CSMD3: variants seen among roughly 807,000 people sequenced by gnomAD.
The protein encoded by CSMD3 is CUB and Sushi multiple domains 3.
CSMD3 carries 177 observed loss-of-function variants against 435.2 expected under a neutral mutation model. The ratio of observed to expected loss-of-function variants is 0.41; its 90% CI spans 0.36 to 0.46. CSMD3 has a LOEUF of 0.46. Ranked by LOEUF, CSMD3 falls within the 20% of genes least tolerant of loss-of-function variation. The pLI, the probability that CSMD3 is intolerant of heterozygous loss-of-function variation, is 0.34. For missense variants in CSMD3, 4,265 were observed against 4,504.6 expected, an observed-to-expected ratio of 0.95 and a Z score of 1.52; for synonymous variants, 1,656 against 1,520.5, an observed-to-expected ratio of 1.09 and a Z score of -2.07.
chr8:112,424,150 A>T (rs1586278743), intron 32 of CSMD3, among the ~76,000 whole-genome samples: 1 of 152,110 alleles, frequency 6.6e-6, no homozygotes, highest in Non-Finnish European at 1.5e-5. Flanking sequence ...AAATAGCATC[A>T]CCTCCACTCC....
intron 66 of CSMD3, among the ~76,000 whole-genome samples, chr8:112,240,043 T>G (rs1222403382): frequency 6.6e-6 from 1 of 152,090 alleles, no homozygotes; most frequent in Non-Finnish European, 1.5e-5. Context: ...CCTCAAGCTT[T>G]GATATTTCAA....
chr8:113,101,906 C>A (rs1224775446), intron 4 of CSMD3, among the ~76,000 whole-genome samples: 1 of 151,798 alleles, frequency 6.6e-6, no homozygotes, highest in African/African-American at 2.4e-5. Context: ...ATGCTGAATT[C>A]AAGGCAATAT....
intron 5 of CSMD3, among the ~76,000 whole-genome samples, chr8:113,052,422 A>T (rs1260584382): frequency 2.6e-5 from 4 of 152,170 alleles, no homozygotes; most frequent in Non-Finnish European, 4.4e-5. Flanking sequence ...CAATTTTTTT[A>T]AAAAGCAATT....
chr8:112,397,682 G>C (rs1306038069), intron 35 of CSMD3, among the ~76,000 whole-genome samples: 1 of 152,114 alleles, frequency 6.6e-6, no homozygotes, highest in African/African-American at 2.4e-5. Flanking sequence ...TCTTTCATAA[G>C]AGCATTAATC....
chr8:112,954,784 A>G (rs1276783301), intron 7 of CSMD3, 23 bp from the exon 8 acceptor site: 16 of 1,273,728 alleles, frequency 1.3e-5, no homozygotes, highest in Non-Finnish European at 1.7e-5. Flanking sequence ...ACAAACAAAA[A>G]CATGTATCAG....
intron 32 of CSMD3, among the ~76,000 whole-genome samples, chr8:112,469,454 G>A (rs1411540877): frequency 6.6e-5 from 10 of 151,914 alleles, no homozygotes. Flanking sequence ...TGCACTGAGT[G>A]TATTTGACAG....
At chr8:112,642,365 T>C (rs1393845316) in intron 20 of CSMD3, among the ~76,000 whole-genome samples, 2 of 152,168 alleles carry the variant, frequency 1.3e-5, no homozygotes, top group African/African-American at 4.8e-5. Context: ...TCTCTCATGG[T>C]GTCCTTGTAA....
intron 38 of CSMD3, among the ~76,000 whole-genome samples, chr8:112,361,601 A>G (rs1827232550): frequency 7.8e-6 from 1 of 128,644 alleles, no homozygotes; most frequent in Non-Finnish European, 1.7e-5. Flanking sequence ...ATATATATAT[A>G]TATATATATA....
At chr8:113,283,778 T>C (rs2093627886) in intron 2 of CSMD3, among the ~76,000 whole-genome samples, 1 of 152,174 alleles carries the variant, frequency 6.6e-6, no homozygotes. Context: ...TACTTGTACA[T>C]GCATGTTTAT....
rs536849548 is a variant in CSMD3 at position 113,153,253 on chromosome 8, A to G, written c.709+20469T>C. 1.8e-4 allele frequency among the ~76,000 whole-genome samples: 27 copies of G among 149,870 alleles called. No individual in the cohort carries two copies. The South Asian group carries it at 5.5e-3, about 31-fold the overall frequency. ...AAGAAGAAAGAAAGAAGAGAGAAAG[A>G]AAGGAAGGAAGGAAGGAAGGGAATT... is the stretch of plus-strand genomic sequence containing the variant. On this transcript the variant is annotated intron_variant, in intron 4 of 70. Transcript: ENST00000297405.
chr8:112,888,541 T>A (rs2081679786), intron 10 of CSMD3, among the ~76,000 whole-genome samples: 1 of 151,674 alleles, frequency 6.6e-6, no homozygotes, highest in Admixed American at 6.6e-5. Flanking sequence ...AGCCAATACA[T>A]GCATGTGCCA....
intron 38 of CSMD3, among the ~76,000 whole-genome samples, chr8:112,358,077 C>T (rs1299111871): frequency 6.6e-6 from 1 of 152,184 alleles, no homozygotes; most frequent in Non-Finnish European, 1.5e-5. Flanking sequence ...GGGAACCTAC[C>T]TCTTACATCA....
chr8:112,789,675 CAA>C (rs550095929), intron 13 of CSMD3, among the ~76,000 whole-genome samples: 144 of 151,952 alleles, frequency 9.5e-4, no homozygotes, highest in Non-Finnish European at 1.8e-3. Context: ...CTTAATTAAA[CAA>C]AGTTTTTATT....
intron 4 of CSMD3, among the ~76,000 whole-genome samples, chr8:113,116,696 C>T (rs78075075): frequency 1.3e-3 from 198 of 152,180 alleles, no homozygotes; most frequent in Non-Finnish European, 2.1e-3. Flanking sequence ...TTAGAGAGGG[C>T]TCAGAAAACA....
At chr8:112,311,678 C>T (rs576971427) in intron 49 of CSMD3, among the ~76,000 whole-genome samples, 1 of 152,234 alleles carries the variant, frequency 6.6e-6, no homozygotes, top group South Asian at 2.1e-4. Flanking sequence ...TAAAGTGTGC[C>T]CATTCTGTCA....
chr8:112,751,983 C>T (rs2077582360), intron 13 of CSMD3, among the ~76,000 whole-genome samples: 1 of 152,084 alleles, frequency 6.6e-6, no homozygotes, highest in Non-Finnish European at 1.5e-5. Context: ...CTCTCTCCCA[C>T]ATCATGTTTC....
At chr8:112,314,285 T>C in intron 48 of CSMD3, 144 bp downstream of exon 48, 1 of 706,578 alleles carries the variant, frequency 1.4e-6, no homozygotes, top group Non-Finnish European at 2.4e-6. Context: ...TCATATGGTA[T>C]AGGAGTGAAT....
At chr8:112,412,354 C>T (rs1359415022) in intron 32 of CSMD3, among the ~76,000 whole-genome samples, 1 of 68,422 alleles carries the variant, frequency 1.5e-5, no homozygotes, top group Non-Finnish European at 3.1e-5. Context: ...GCATGATTAA[C>T]AAGCTCCGTG....
rs2079809174 is a variant in CSMD3, at chr8:112,829,784, G to T, written c.1761C>A (p.Ile587=). Residue 587 remains isoleucine, a synonymous_variant, in exon 12 of 71, where the codon ATC becomes ATA. Coordinates refer to ENST00000297405, the MANE Select transcript of CSMD3 (RefSeq NM_198123.2). The part of the protein sequence containing the change: ...VITAVNTNKV[I]QINFEEFDLE... Reference sequence around the variant, plus strand: ...GATCAAATTCTTCAAAATTTATCTGGATAACCTAGCAGTAAACAGAAACAT... The same window carrying T: ...GATCAAATTCTTCAAAATTTATCTGTATAACCTAGCAGTAAACAGAAACAT... 7 of 1,591,456 alleles carry T rather than the reference G, an allele frequency of 4.4e-6. No homozygotes were observed. Among genetic ancestry groups the T allele is most frequent in the Non-Finnish European group, 6.0e-6 (7 of 1,159,816 alleles).
Sources: allele counts gnomAD v4.1 joint callset (sites outside exome capture counted in the v4.1 genomes callset), GRCh38; gene constraint gnomAD v4.1.1; transcripts MANE v1.5; gene names NCBI Gene and HGNC (gene_info 2026-07-23, HGNC 2026-07-21).